Variants in CREB5 observed in about 807,000 individuals in gnomAD.
The protein encoded by CREB5 is cyclic AMP-responsive element-binding protein 5.
In CREB5, 19 loss-of-function variants were observed where a neutral mutation model predicts 57.1. The observed-to-expected ratio is 0.33, with a 90% CI of 0.23 to 0.49. CREB5 has a LOEUF of 0.49. CREB5 is among the 20% of genes least tolerant of loss of function. The pLI, the probability that CREB5 is intolerant of heterozygous loss-of-function variation, is 0.99. For missense variants in CREB5, 579 were observed against 671.6 expected, an observed-to-expected ratio of 0.86 and a Z score of 1.52; for synonymous variants, 238 against 238.3, an observed-to-expected ratio of 1.00 and a Z score of 0.01.
At chr7:28,404,508 T>C (rs541009965) in intron 1 of CREB5, among the ~76,000 whole-genome samples, 2 of 152,302 alleles carry the variant, frequency 1.3e-5, no homozygotes, top group South Asian at 2.1e-4. Flanking sequence ...TGAGGCATCA[T>C]GAGCAAGAAA....
At chr7:28,722,291 G>A (rs565155511) in intron 6 of CREB5, among the ~76,000 whole-genome samples, 9 of 152,124 alleles carry the variant, frequency 5.9e-5, no homozygotes, top group Non-Finnish European at 1.0e-4. Flanking sequence ...ACAATTATCT[G>A]TACTTCTGAA....
At chr7:28,641,805 C>A (rs926677956) in intron 5 of CREB5, among the ~76,000 whole-genome samples, 3 of 152,206 alleles carry the variant, frequency 2.0e-5, no homozygotes, top group African/African-American at 7.2e-5. Flanking sequence ...GTCTTTCATT[C>A]CTTACCTTCT....
At chr7:28,305,135 C>T (rs991440130) in intron 1 of CREB5, among the ~76,000 whole-genome samples, 3 of 152,172 alleles carry the variant, frequency 2.0e-5, no homozygotes, top group African/African-American at 4.8e-5. Context: ...TCTCTTTCAG[C>T]GAAGTTCTTA....
Position 28,809,184 on chromosome 7 carries a change from C to A in CREB5, c.1027-3C>A, listed in dbSNP as rs1808940757. 6.2e-7 allele frequency: 1 copy of A among 1,607,254 alleles called. No homozygotes were observed. Among genetic ancestry groups the A allele is most frequent in the Non-Finnish European group, 8.5e-7 (1 of 1,175,732 alleles). On this transcript the variant is annotated splice_polypyrimidine_tract_variant and splice_region_variant and intron_variant, in intron 8 of 10. Transcript: ENST00000357727. ...ATCACCTCCTCCCTCTCTGGCCCAG[C>A]AGGTTTCACCAGCAACACAACAGAT...
At chr7:28,436,853 G>T (rs59075698) in intron 1 of CREB5, among the ~76,000 whole-genome samples, 2,616 of 152,192 alleles carry the variant, frequency 0.017, 88 homozygotes, top group African/African-American at 0.059. Flanking sequence ...AATGGGATGT[G>T]GGGGGAACAG....
intron 1 of CREB5, among the ~76,000 whole-genome samples, chr7:28,321,685 A>G (rs1473111002): frequency 6.6e-6 from 1 of 152,204 alleles, no homozygotes; most frequent in African/African-American, 2.4e-5. Context: ...CCAGGGAGGC[A>G]GGGAGGTGGT....
chr7:28,570,661 C>A, intron 5 of CREB5, 124 bp downstream of exon 5: 1 of 1,094,286 alleles, frequency 9.1e-7, no homozygotes, highest in Non-Finnish European at 1.3e-6. Flanking sequence ...TTGCCTAGAG[C>A]TCAGAGTGAT....
chr7:28,632,499 G>T (rs1009856082), intron 5 of CREB5, among the ~76,000 whole-genome samples: 8 of 152,072 alleles, frequency 5.3e-5, no homozygotes, highest in Admixed American at 5.2e-4. Flanking sequence ...TGGTCTGCAG[G>T]GACAAGCTCC....
chr7:28,818,434 T>C (rs1353533823), intron 10 of CREB5, among the ~76,000 whole-genome samples: 1 of 152,116 alleles, frequency 6.6e-6, no homozygotes, highest in Non-Finnish European at 1.5e-5. Flanking sequence ...TCAAAAGAAA[T>C]ACCAAATTCC....
In CREB5 at chr7:28,412,690, A is replaced by G. The variant is rs1456028473; in HGVS notation, c.-225A>G. 1.0e-5 allele frequency: 4 copies of G among 391,998 alleles called. No homozygotes were observed. Among genetic ancestry groups the G allele is most frequent in the Non-Finnish European group, 1.8e-5 (4 of 221,884 alleles). The allele number at this position is 391,998 out of a possible 1,614,324, so 24.3% of individuals were successfully genotyped here. A position where few individuals can be genotyped will look rare whatever the true frequency, so the allele number is the denominator to read the frequency against. ...GAGAACGAGGGAGGTACCAGAGTCT[A>G]GGAGGTACCTCTGGGTTGCAGAAGT... is the stretch of plus-strand genomic sequence containing the variant. On this transcript the variant is annotated 5_prime_UTR_variant, in exon 1 of 11. The change abolishes the stop of an existing upstream ORF in the 5' untranslated region. Coordinates refer to ENST00000357727, the MANE Select transcript of CREB5 (RefSeq NM_182898.4).
At chr7:28,667,753 C>CT (rs1200577115) in intron 5 of CREB5, among the ~76,000 whole-genome samples, 1 of 152,098 alleles carries the variant, frequency 6.6e-6, no homozygotes, top group Non-Finnish European at 1.5e-5. Flanking sequence ...AGCCTGTCTC[C>CT]TTAAAATGAC....
At chr7:28,301,570 T>G (rs1367676691) in intron 1 of CREB5, among the ~76,000 whole-genome samples, 3 of 152,230 alleles carry the variant, frequency 2.0e-5, no homozygotes, top group Admixed American at 2.0e-4. Context: ...CCGGATATAC[T>G]GAATAAGGAT....
At chr7:28,681,563 G>A (rs1001226949) in intron 5 of CREB5, among the ~76,000 whole-genome samples, 2 of 152,048 alleles carry the variant, frequency 1.3e-5, no homozygotes, top group African/African-American at 4.8e-5. Flanking sequence ...ACTATGTATG[G>A]GCCAGGTGCT....
Position 28,412,897 on chromosome 7 carries a change from G to A in CREB5, c.-18G>A. On this transcript the variant is annotated 5_prime_UTR_variant, in exon 1 of 11. Coordinates refer to ENST00000357727, the MANE Select transcript of CREB5 (RefSeq NM_182898.4). ...TGACTGCAGGAAGCAACACGTTGCTGCTTTTATTCTACAGATAATGGTAAG... is the reference window on the plus strand; with the variant it reads ...TGACTGCAGGAAGCAACACGTTGCTACTTTTATTCTACAGATAATGGTAAG... 6.7e-7 allele frequency: 1 copy of A among 1,492,976 alleles called. No individual in the cohort carries two copies. The highest frequency in any genetic ancestry group is 1.5e-5 in the South Asian group (1 of 68,206). The allele number at this position is 1,492,976 out of a possible 1,614,324, so 92.5% of individuals were successfully genotyped here. A position where few individuals can be genotyped will look rare whatever the true frequency, so the allele number is the denominator to read the frequency against.
chr7:28,368,670 A>G (rs949128012), intron 1 of CREB5, among the ~76,000 whole-genome samples: 1 of 152,210 alleles, frequency 6.6e-6, no homozygotes, highest in Non-Finnish European at 1.5e-5. Context: ...CTCAGCTCAC[A>G]TAACATCCCC....
intron 5 of CREB5, among the ~76,000 whole-genome samples, chr7:28,664,973 G>A (rs1799762978): frequency 1.3e-5 from 2 of 152,104 alleles, no homozygotes; most frequent in Admixed American, 1.3e-4. Flanking sequence ...AATATTATCC[G>A]GCTCTTTCTG....
At chr7:28,322,185 G>C (rs931388927) in intron 1 of CREB5, among the ~76,000 whole-genome samples, 2 of 152,018 alleles carry the variant, frequency 1.3e-5, no homozygotes, top group African/African-American at 4.8e-5. Flanking sequence ...TTGAGAAAAG[G>C]GTTCTGTGAG....
At chr7:28,521,110 C>A (rs1188755264) in intron 4 of CREB5, among the ~76,000 whole-genome samples, 1 of 152,088 alleles carries the variant, frequency 6.6e-6, no homozygotes, top group Admixed American at 6.5e-5. Context: ...AAAAATGAGC[C>A]AAGGCACCCA....
chr7:28,716,856 G>A (rs1802716014), intron 5 of CREB5, among the ~76,000 whole-genome samples: 1 of 152,108 alleles, frequency 6.6e-6, no homozygotes, highest in South Asian at 2.1e-4. Context: ...AAAAGCCAAA[G>A]GACCTTCAAA....
Sources: allele counts gnomAD v4.1 joint callset (sites outside exome capture counted in the v4.1 genomes callset), GRCh38; gene constraint gnomAD v4.1.1; transcripts MANE v1.5; gene names NCBI Gene and HGNC (gene_info 2026-07-23, HGNC 2026-07-21).